The following ZNF804B variants were observed in gnomAD, a reference collection of about 807,000 sequenced individuals.
ZNF804B encodes zinc finger 804B.
Under a neutral mutation model 101.4 loss-of-function variants are expected in ZNF804B, and 80 were observed. The observed-to-expected ratio is 0.79, with a 90% CI of 0.66 to 0.95. The LOEUF (loss-of-function observed/expected upper bound fraction) is 0.95. Among genes scored for constraint, ZNF804B ranks in the 40% least tolerant of loss-of-function variants. The pLI is 0.00. For synonymous variants in ZNF804B, 622 were observed against 558.8 expected (o/e 1.11, Z -1.59); for missense variants, 1,673 against 1,561.9 (o/e 1.07, Z -1.20).
In ZNF804B at chr7:89,335,348, A is replaced by G. The variant is rs1486149710; in HGVS notation, c.2366A>G (p.Glu789Gly). 3.6e-5 allele frequency: 58 copies of G among 1,613,642 alleles called. No individual in the cohort carries two copies. The highest frequency in any genetic ancestry group is 4.6e-5 in the Non-Finnish European group (54 of 1,179,942). The part of the protein sequence containing the change: ...PQKERNCKLW[E>G]SFKNEKYSKR... ...AAAGAGAGGAACTGCAAATTGTGGGAATCATTTAAAAATGAAAAATACTCA... is the reference window on the plus strand; with the variant it reads ...AAAGAGAGGAACTGCAAATTGTGGGGATCATTTAAAAATGAAAAATACTCA... The change falls in exon 4 of 4, where the codon GAA (glutamate) becomes GGA (glycine). Residue 789 changes from glutamate (E) to glycine (G), a missense_variant. Transcript: ENST00000333190.
In ZNF804B at chr7:89,327,549, G is replaced by A. The variant is rs1434142213; in HGVS notation, c.380+75G>A. On this transcript the variant is annotated intron_variant, in intron 3 of 3. Coordinates refer to ENST00000333190, the MANE Select transcript of ZNF804B (RefSeq NM_181646.5). ...GGGAAATTTTAAAGGCAAATCTACT[G>A]TAACAATGTAAACAAATAATAACTA... is the stretch of plus-strand genomic sequence containing the variant. The A allele has an allele frequency of 4.5e-6, 7 of 1,544,162 alleles. No homozygotes were observed. The South Asian group carries it at 6.2e-5, about 14-fold the overall frequency.
chr7:88,902,519 A>G (rs955731259), intron 1 of ZNF804B, among the ~76,000 whole-genome samples: 5 of 152,034 alleles, frequency 3.3e-5, no homozygotes, highest in Non-Finnish European at 7.4e-5. Context: ...TGAGTATATA[A>G]CATTTTTTCT....
chr7:88,968,951 G>C (rs1397646102), intron 1 of ZNF804B, among the ~76,000 whole-genome samples: 1 of 151,410 alleles, frequency 6.6e-6, no homozygotes, highest in East Asian at 2.0e-4. Flanking sequence ...TACAATTACA[G>C]TCTTACATAC....
intron 2 of ZNF804B, among the ~76,000 whole-genome samples, chr7:89,302,054 G>T (rs2115924024): frequency 8.8e-6 from 1 of 113,786 alleles, no homozygotes; most frequent in East Asian, 2.2e-4. Flanking sequence ...TATTCCCATT[G>T]CTGTTATATA....
At chr7:89,045,412 C>T (rs1789089968) in intron 1 of ZNF804B, among the ~76,000 whole-genome samples, 1 of 152,202 alleles carries the variant, frequency 6.6e-6, no homozygotes, top group South Asian at 2.1e-4. Context: ...CACCATTCTC[C>T]AGACCCCAGA....
At chr7:88,850,091 T>C (rs1304599368) in intron 1 of ZNF804B, among the ~76,000 whole-genome samples, 1 of 152,128 alleles carries the variant, frequency 6.6e-6, no homozygotes, top group Non-Finnish European at 1.5e-5. Flanking sequence ...ATCTTCCTAT[T>C]TGAAATAAGT....
intron 1 of ZNF804B, among the ~76,000 whole-genome samples, chr7:88,873,968 C>T (rs1431206332): frequency 6.6e-6 from 1 of 152,074 alleles, no homozygotes; most frequent in Non-Finnish European, 1.5e-5. Flanking sequence ...TTTTTGGTTC[C>T]ATATGAACTT....
At chr7:89,139,722 G>A (rs914301906) in intron 1 of ZNF804B, among the ~76,000 whole-genome samples, 23 of 152,092 alleles carry the variant, frequency 1.5e-4, no homozygotes, top group African/African-American at 5.3e-4. Context: ...GGCTCCGCTT[G>A]TAGTTCTAAT....
At chr7:88,784,157 T>A (rs955912150) in intron 1 of ZNF804B, among the ~76,000 whole-genome samples, 4 of 152,146 alleles carry the variant, frequency 2.6e-5, no homozygotes, top group African/African-American at 9.6e-5. Flanking sequence ...GCAAAATTTA[T>A]AAATACAATG....
intron 1 of ZNF804B, among the ~76,000 whole-genome samples, chr7:89,146,293 C>T (rs1790790564): frequency 6.6e-6 from 1 of 151,986 alleles, no homozygotes; most frequent in African/African-American, 2.4e-5. Context: ...TACAGAATTA[C>T]TTATAAGCCT....
At chr7:89,241,764 C>G (rs1446395193) in intron 2 of ZNF804B, among the ~76,000 whole-genome samples, 2 of 151,238 alleles carry the variant, frequency 1.3e-5, no homozygotes, top group African/African-American at 2.4e-5. Flanking sequence ...GCCTGCAACT[C>G]CATTGCTAGT....
intron 1 of ZNF804B, among the ~76,000 whole-genome samples, chr7:89,117,434 C>G (rs1790328181): frequency 6.6e-6 from 1 of 152,144 alleles, no homozygotes; most frequent in Admixed American, 6.5e-5. Flanking sequence ...TTCTAAGTTT[C>G]TATTATTCTT....
intron 1 of ZNF804B, among the ~76,000 whole-genome samples, chr7:88,863,522 A>AT (rs1240606588): frequency 7.2e-5 from 11 of 151,958 alleles, no homozygotes; most frequent in African/African-American, 9.7e-5. Flanking sequence ...AAGAAGCCCT[A>AT]TTTTTTTTAA....
At chr7:89,089,798 A>G (rs1789855547) in intron 1 of ZNF804B, among the ~76,000 whole-genome samples, 3 of 152,110 alleles carry the variant, frequency 2.0e-5, no homozygotes, top group African/African-American at 7.2e-5. Flanking sequence ...TGCTAACTTT[A>G]CTTTTGAAAG....
At chr7:89,283,736 ATAT>A (rs1469480601) in intron 2 of ZNF804B, among the ~76,000 whole-genome samples, 4 of 151,918 alleles carry the variant, frequency 2.6e-5, no homozygotes, top group East Asian at 1.9e-4. Context: ...AAATTCCCTA[ATAT>A]TATGAATTTA....
chr7:88,811,537 A>G (rs1185367825), intron 1 of ZNF804B, among the ~76,000 whole-genome samples: 1 of 152,232 alleles, frequency 6.6e-6, no homozygotes, highest in Non-Finnish European at 1.5e-5. Flanking sequence ...TGTTTACTGC[A>G]GCACTATTTA....
intron 1 of ZNF804B, among the ~76,000 whole-genome samples, chr7:89,130,009 A>C: frequency 6.6e-6 from 1 of 151,936 alleles, no homozygotes; most frequent in East Asian, 1.9e-4. Context: ...CTTCTCCTTC[A>C]CCTTAAATAA....
chr7:88,890,359 A>G (rs1056675403), intron 1 of ZNF804B, among the ~76,000 whole-genome samples: 1 of 152,174 alleles, frequency 6.6e-6, no homozygotes, highest in Non-Finnish European at 1.5e-5. Context: ...GTTTTTACAT[A>G]GACAGGAGTT....
chr7:88,874,698 CA>C (rs1449334377), intron 1 of ZNF804B, among the ~76,000 whole-genome samples: 1 of 152,044 alleles, frequency 6.6e-6, no homozygotes, highest in Admixed American at 6.6e-5. Context: ...TGAATTTTGT[CA>C]AAGGCCTTTT....
Sources: gnomAD v4.1 joint callset for allele counts (sites outside exome capture counted in the v4.1 genomes callset) on GRCh38, gnomAD v4.1.1 for gene constraint, MANE v1.5 for transcripts, NCBI Gene and HGNC (gene_info 2026-07-23, HGNC 2026-07-21) for gene names.